Variants in ARHGEF38 observed in about 807,000 individuals in gnomAD.
ARHGEF38 encodes Rho guanine nucleotide exchange factor 38.
ARHGEF38 carries 79 observed loss-of-function variants against 79.9 expected under a neutral mutation model. The observed-to-expected ratio is 0.99, with a 90% CI of 0.82 to 1.19. The LOEUF (loss-of-function observed/expected upper bound fraction) is 1.19, where lower values mean the gene tolerates loss of function less well. Among genes scored for constraint, ARHGEF38 ranks in the 50% most tolerant of loss-of-function variants. The pLI, the probability that ARHGEF38 is intolerant of heterozygous loss-of-function variation, is 0.00. For missense variants in ARHGEF38, 962 were observed against 907.2 expected (o/e 1.06, Z -0.78); for synonymous variants, 366 against 328.3 (o/e 1.11, Z -1.24).
chr4:105,639,321 A>G (rs1415921286), intron 5 of ARHGEF38, among the ~76,000 whole-genome samples: 1 of 151,954 alleles, frequency 6.6e-6, no homozygotes, highest in Admixed American at 6.6e-5. Flanking sequence ...CCAGTTTATC[A>G]TCTGACTTTT....
In ARHGEF38 at chr4:105,626,586, C is replaced by T. The variant is rs150789763; in HGVS notation, c.509-4312C>T. On this transcript the variant is annotated intron_variant, in intron 3 of 13. Transcript: ENST00000420470. ...GTGCACTCTCTCTTAACTGCAATAA[C>T]TTTCTGTTTTAGCCCCTCATTGTTT... Among the ~76,000 whole-genome samples, 103 of 152,256 alleles carry T rather than the reference C, an allele frequency of 6.8e-4. 1 individual carries two copies. In the East Asian group the frequency reaches 0.011, roughly 17 times the overall value.
chr4:105,613,817 A>G (rs144088306), intron 3 of ARHGEF38, among the ~76,000 whole-genome samples: 2 of 152,104 alleles, frequency 1.3e-5, no homozygotes, highest in African/African-American at 4.8e-5. Context: ...TTGATCCTTA[A>G]AGAATTAATT....
chr4:105,661,474 TTTA>T (rs140964351), intron 10 of ARHGEF38, among the ~76,000 whole-genome samples: 62,272 of 141,430 alleles, frequency 0.44, 14,031 homozygotes, highest in East Asian at 0.56. Context: ...TCCACACCTC[TTTA>T]TTATTATTAT....
Position 105,613,501 on chromosome 4 carries a change from G to T in ARHGEF38, c.502G>T (p.Val168Leu), listed in dbSNP as rs773427927. 58 of 1,612,444 alleles carry T rather than the reference G, an allele frequency of 3.6e-5. No individual in the cohort carries two copies. The South Asian group carries it at 5.9e-4, about 17-fold the overall frequency. ...ATTDVEPAMQVIGEVFLQIKG... is the reference protein window; with the variant it reads ...ATTDVEPAMQLIGEVFLQIKG... ...AACAGACGTGGAACCGGCCATGCAA[G>T]TAATTGGTATGTTTATTCTCTTCTC... Residue 168 changes from valine to leucine, a missense_variant, in exon 3 of 14, where the codon GTA (valine) becomes TTA (leucine). By Grantham distance (32) the Val-to-Leu change is conservative. Transcript: ENST00000420470.
intron 13 of ARHGEF38, among the ~76,000 whole-genome samples, chr4:105,673,198 A>T (rs1731011616): frequency 6.6e-6 from 1 of 152,078 alleles, no homozygotes; most frequent in Non-Finnish European, 1.5e-5. Flanking sequence ...AGGGGAGGAG[A>T]TTATATAGAA....
At chr4:105,625,937 T>C (rs1362880798) in intron 3 of ARHGEF38, among the ~76,000 whole-genome samples, 2 of 152,138 alleles carry the variant, frequency 1.3e-5, no homozygotes, top group Non-Finnish European at 2.9e-5. Context: ...CTGCAGTCTC[T>C]TTTTCTTCTA....
At chr4:105,584,643 GTCTA>G (rs1726946445) in intron 1 of ARHGEF38, among the ~76,000 whole-genome samples, 1 of 152,048 alleles carries the variant, frequency 6.6e-6, no homozygotes, top group African/African-American at 2.4e-5. Context: ...CTGTATCTAT[GTCTA>G]TCTATCTATA....
chr4:105,556,718 C>T (rs1015158963), intron 1 of ARHGEF38, among the ~76,000 whole-genome samples: 10 of 152,096 alleles, frequency 6.6e-5, no homozygotes, highest in African/African-American at 2.4e-4. Context: ...ACAGTAAACA[C>T]TCAGTAACTG....
intron 13 of ARHGEF38, among the ~76,000 whole-genome samples, chr4:105,669,590 GT>G (rs897755066): frequency 6.7e-5 from 10 of 149,422 alleles, no homozygotes; most frequent in East Asian, 2.0e-4. Context: ...TTGGTTTGGT[GT>G]TTTTTTTCAA....
chr4:105,680,229 T>G lies in ARHGEF38; in HGVS notation c.*2292T>G. ...TTTTCTTTTCCTTAAGTCACTAAAA[T>G]CTGTAGTTATATAATCTTACATAAA... On this transcript the variant is annotated 3_prime_UTR_variant, in exon 14 of 14. Transcript: ENST00000420470. The G allele has an allele frequency of 2.3e-6, 1 of 435,244 alleles. No homozygotes were observed. Among genetic ancestry groups the G allele is most frequent in the South Asian group, 2.3e-5 (1 of 43,546 alleles). The allele number at this position is 435,244 out of a possible 1,614,324, so 27.0% of individuals were successfully genotyped here. A position where few individuals can be genotyped will look rare whatever the true frequency, so the allele number is the denominator to read the frequency against.
chr4:105,646,526 A>G (rs1560744722), intron 6 of ARHGEF38, among the ~76,000 whole-genome samples: 2 of 152,206 alleles, frequency 1.3e-5, no homozygotes, highest in African/African-American at 4.8e-5. Context: ...TCTACAGGTG[A>G]GAATGTACTT....
intron 1 of ARHGEF38, among the ~76,000 whole-genome samples, chr4:105,587,630 T>C (rs1727121375): frequency 6.6e-6 from 1 of 152,086 alleles, no homozygotes; most frequent in African/African-American, 2.4e-5. Flanking sequence ...CCGGCTCTTT[T>C]GTTGTATTTT....
Position 105,555,861 on chromosome 4 carries a change from G to A in ARHGEF38, c.196+2900G>A, listed in dbSNP as rs1393092661. The stretch of plus-strand genomic sequence containing the variant: ...TTAACTCATGATACCTAGTCTATCT[G>A]TTCAATTCAATTTCTCACATCACTT... On this transcript the variant is annotated intron_variant, in intron 1 of 13. Coordinates refer to ENST00000420470, the MANE Select transcript of ARHGEF38 (RefSeq NM_001242729.2). Among the ~76,000 whole-genome samples, 4 of 152,108 alleles carry A rather than the reference G, an allele frequency of 2.6e-5. 1 individual carries two copies. Among genetic ancestry groups the A allele is most frequent in the Non-Finnish European group, 5.9e-5 (4 of 68,004 alleles).
At chr4:105,602,397 A>G (rs1461814719) in intron 2 of ARHGEF38, among the ~76,000 whole-genome samples, 1 of 152,192 alleles carries the variant, frequency 6.6e-6, no homozygotes, top group Admixed American at 6.5e-5. Flanking sequence ...TTTAAACCCA[A>G]TTAAACACGT....
chr4:105,567,715 C>T (rs902464398), intron 1 of ARHGEF38, among the ~76,000 whole-genome samples: 1 of 151,940 alleles, frequency 6.6e-6, no homozygotes, highest in South Asian at 2.1e-4. Flanking sequence ...CAACACAAAG[C>T]ACAATATCAA....
intron 4 of ARHGEF38, among the ~76,000 whole-genome samples, chr4:105,635,607 G>A (rs1729366137): frequency 6.6e-6 from 1 of 151,930 alleles, no homozygotes; most frequent in Non-Finnish European, 1.5e-5. Flanking sequence ...CAGATTTTCT[G>A]ACCTATGACG....
chr4:105,641,548 A>G (rs1031884873), intron 5 of ARHGEF38, among the ~76,000 whole-genome samples: 4 of 152,150 alleles, frequency 2.6e-5, no homozygotes, highest in Non-Finnish European at 5.9e-5. Context: ...AATTGAAAAA[A>G]GTAACAGCAT....
rs1409096585 is a variant in ARHGEF38 at position 105,659,035 on chromosome 4, T to C, written c.1234-19T>C. On this transcript the variant is annotated intron_variant, in intron 9 of 13. Coordinates refer to ENST00000420470, the MANE Select transcript of ARHGEF38 (RefSeq NM_001242729.2). ...GGCTGATCCTCTCTCTGAAATGGGC[T>C]CATTTTTTCTTTTGGCAGGCATCTC... 2.0e-6 allele frequency: 3 copies of C among 1,519,726 alleles called. No individual in the cohort carries two copies. Among genetic ancestry groups the C allele is most frequent in the South Asian group, 1.2e-5 (1 of 81,184 alleles). 94.1% of individuals were successfully genotyped at this position (1,519,726 alleles called of 1,614,324 possible). A position where few individuals can be genotyped will look rare whatever the true frequency, so the allele number is the denominator to read the frequency against.
At chr4:105,597,087 G>A (rs1248107104) in intron 2 of ARHGEF38, among the ~76,000 whole-genome samples, 6 of 152,080 alleles carry the variant, frequency 3.9e-5, no homozygotes, top group Admixed American at 3.9e-4. Flanking sequence ...ACAATGAAAT[G>A]TAATGAAATT....
Sources: gnomAD v4.1 joint callset for allele counts (sites outside exome capture counted in the v4.1 genomes callset) on GRCh38, gnomAD v4.1.1 for gene constraint, MANE v1.5 for transcripts, NCBI Gene and HGNC (gene_info 2026-07-23, HGNC 2026-07-21) for gene names.